Variants in ZNF469 observed in about 807,000 individuals in gnomAD.
ZNF469 encodes zinc finger protein 469.
In ZNF469, 1 loss-of-function variant was observed where a neutral mutation model predicts 1.0. The ratio of observed to expected loss-of-function variants is 1.00; its 90% CI spans 0.35 to 4.73. ZNF469 has a LOEUF of 4.73. Among genes scored for constraint, ZNF469 ranks in the 30% most tolerant of loss-of-function variants. The probability of loss-of-function intolerance (pLI) is 0.16; values close to 1 mark genes in which losing one functional copy is unlikely to be tolerated. For missense variants in ZNF469, 6,100 were observed against 5,356.3 expected, an observed-to-expected ratio of 1.14 and a Z score of -4.33; for synonymous variants, 2,703 against 2,363.4, an observed-to-expected ratio of 1.14 and a Z score of -4.17.
chr16:88,428,614 G>C lies in ZNF469; in HGVS notation c.1144G>C (p.Glu382Gln). The change falls in exon 3 of 3, where the codon GAA becomes CAA. Residue 382 changes from glutamate (E) to glutamine (Q), a missense_variant. Coordinates refer to ENST00000565624, the MANE Select transcript of ZNF469 (RefSeq NM_001367624.2). ...LHKSLTKILP[E>Q]RPPSAQDGLG... ...CAAGAGCCTGACCAAAATCCTTCCC[G>C]AAAGACCACCTTCAGCCCAGGATGG... The C allele has an allele frequency of 6.5e-7, 1 of 1,550,216 alleles. No individual in the cohort carries two copies. Among genetic ancestry groups the C allele is most frequent in the South Asian group, 1.2e-5 (1 of 84,066 alleles).
At chr16:88,134,005 C>G in the ZNF469 span, among the ~76,000 whole-genome samples, 1 of 152,288 alleles carries the variant, frequency 6.6e-6, no homozygotes, top group East Asian at 1.9e-4. Flanking sequence ...TGAGGCAGGA[C>G]AATCAATAGA....
the ZNF469 span, among the ~76,000 whole-genome samples, chr16:88,283,065 A>G: frequency 6.6e-5 from 10 of 152,116 alleles, no homozygotes; most frequent in African/African-American, 2.2e-4. Context: ...TCACTTTCCC[A>G]TTTCTAATTA....
At chr16:88,414,993 C>T (rs1256412667) in intron 1 of ZNF469, among the ~76,000 whole-genome samples, 1 of 152,178 alleles carries the variant, frequency 6.6e-6, no homozygotes, top group African/African-American at 2.4e-5. Context: ...CAGGTAGCCT[C>T]GAGGAGGCAC....
the ZNF469 span, among the ~76,000 whole-genome samples, chr16:88,102,887 G>T: frequency 6.6e-6 from 1 of 152,260 alleles, no homozygotes; most frequent in African/African-American, 2.4e-5. Context: ...GGTGACACGT[G>T]GCAGAATGCA....
the ZNF469 span, among the ~76,000 whole-genome samples, chr16:88,247,249 G>GTGAGTGAA: frequency 8.6e-5 from 13 of 151,082 alleles, no homozygotes; most frequent in African/African-American, 2.4e-4. Flanking sequence ...TGGTGAATGA[G>GTGAGTGAA]TGAAGGAACA....
At chr16:88,349,092 G>A in the ZNF469 span, among the ~76,000 whole-genome samples, 1 of 152,186 alleles carries the variant, frequency 6.6e-6, no homozygotes, top group Non-Finnish European at 1.5e-5. Context: ...ATGGCTCTGG[G>A]CGGGAGGCAG....
the ZNF469 span, among the ~76,000 whole-genome samples, chr16:88,138,979 G>A: frequency 1.5e-4 from 23 of 152,366 alleles, no homozygotes; most frequent in South Asian, 4.8e-3. Flanking sequence ...AGGCTGTGCT[G>A]ACAGGGGGGA....
chr16:88,358,309 G>A, the ZNF469 span, among the ~76,000 whole-genome samples: 11 of 152,348 alleles, frequency 7.2e-5, no homozygotes, highest in East Asian at 1.9e-3. Context: ...CCGGGGGAGG[G>A]GGGCTGGTCT....
chr16:88,262,127 G>C, the ZNF469 span, among the ~76,000 whole-genome samples: 1 of 152,202 alleles, frequency 6.6e-6, no homozygotes, highest in East Asian at 1.9e-4. The surrounding 1 kb of genome is among the most constrained non-coding windows in gnomAD (Gnocchi z 4.3). Flanking sequence ...CTTCTGGATT[G>C]TAGAGACTAT....
At chr16:88,332,058 C>T in the ZNF469 span, among the ~76,000 whole-genome samples, 5 of 152,204 alleles carry the variant, frequency 3.3e-5, no homozygotes, top group African/African-American at 7.2e-5. Flanking sequence ...CCCGAGTCCC[C>T]TTTGGCAGAT....
chr16:88,338,479 T>G, the ZNF469 span, among the ~76,000 whole-genome samples: 1 of 152,126 alleles, frequency 6.6e-6, no homozygotes, highest in African/African-American at 2.4e-5. Context: ...GCCCCCAGGG[T>G]GTGTTTGCCC....
At chr16:88,366,234 C>G in the ZNF469 span, among the ~76,000 whole-genome samples, 2 of 151,778 alleles carry the variant, frequency 1.3e-5, no homozygotes, top group Middle Eastern at 3.2e-3. Context: ...TCATAATCGT[C>G]ACCACAACCA....
chr16:88,202,722 C>T, the ZNF469 span, among the ~76,000 whole-genome samples: 7 of 152,198 alleles, frequency 4.6e-5, no homozygotes, highest in African/African-American at 9.7e-5. Flanking sequence ...CACTCCTCAC[C>T]GTGTGCTGCA....
At chr16:88,285,937 C>A in the ZNF469 span, among the ~76,000 whole-genome samples, 4 of 152,238 alleles carry the variant, frequency 2.6e-5, no homozygotes, top group African/African-American at 9.6e-5. Context: ...TCCTGCTGAC[C>A]CTGTGAAGGC....
the ZNF469 span, among the ~76,000 whole-genome samples, chr16:88,321,833 A>G: frequency 1.3e-5 from 2 of 152,368 alleles, no homozygotes; most frequent in African/African-American, 2.4e-5. Flanking sequence ...CATCCGGAGC[A>G]TGATCTGCTT....
the ZNF469 span, among the ~76,000 whole-genome samples, chr16:88,179,874 G>A: frequency 6.6e-6 from 1 of 152,224 alleles, no homozygotes; most frequent in Non-Finnish European, 1.5e-5. Context: ...AGTATGGGAG[G>A]GAGGAAGTAC....
the ZNF469 span, among the ~76,000 whole-genome samples, chr16:88,322,118 G>A: frequency 2.6e-4 from 39 of 152,220 alleles, no homozygotes; most frequent in Non-Finnish European, 4.9e-4. Context: ...ATGGAGCCAC[G>A]GCAGGAGGTG....
chr16:88,365,559 G>A, the ZNF469 span, among the ~76,000 whole-genome samples: 1 of 152,168 alleles, frequency 6.6e-6, no homozygotes, highest in African/African-American at 2.4e-5. Flanking sequence ...GAACCCTGGA[G>A]CCGGCCAGCA....
At chr16:88,343,863 T>C in the ZNF469 span, among the ~76,000 whole-genome samples, 1 of 152,016 alleles carries the variant, frequency 6.6e-6, no homozygotes. Context: ...GGGACAAATA[T>C]TCAAACCATG....
Sources: allele counts gnomAD v4.1 joint callset (sites outside exome capture counted in the v4.1 genomes callset), GRCh38; gene constraint gnomAD v4.1.1; non-coding constraint Gnocchi (gnomAD v3.1); transcripts MANE v1.5; gene names NCBI Gene and HGNC (gene_info 2026-07-23, HGNC 2026-07-21).